SLC35F1: variants seen among roughly 807,000 people sequenced by gnomAD.
SLC35F1 encodes solute carrier family 35 member F1.
In SLC35F1, 14 loss-of-function variants were observed where a neutral mutation model predicts 48.7. The observed-to-expected ratio is 0.29, with a 90% CI of 0.19 to 0.45. The LOEUF (loss-of-function observed/expected upper bound fraction) is 0.45, where lower values mean the gene tolerates loss of function less well. Among genes scored for constraint, SLC35F1 ranks in the 20% least tolerant of loss-of-function variants. SLC35F1 has a pLI of 1.00. For synonymous variants in SLC35F1, 190 were observed against 202.2 expected, an observed-to-expected ratio of 0.94 and a Z score of 0.51; for missense variants, 404 against 500.0, an observed-to-expected ratio of 0.81 and a Z score of 1.83.
chr6:118,100,850 T>C (rs1243126768), intron 1 of SLC35F1, among the ~76,000 whole-genome samples: 2 of 152,332 alleles, frequency 1.3e-5, no homozygotes, highest in East Asian at 3.9e-4. Context: ...TGGTTGGTCT[T>C]TCTGTTGTGG....
intron 2 of SLC35F1, among the ~76,000 whole-genome samples, chr6:118,198,734 T>C (rs111949141): frequency 9.8e-5 from 15 of 152,348 alleles, no homozygotes; most frequent in African/African-American, 3.1e-4. Context: ...TGTGTGTATA[T>C]GTATGTGTAT....
chr6:118,175,464 A>C (rs1774474400), intron 2 of SLC35F1, among the ~76,000 whole-genome samples: 1 of 152,170 alleles, frequency 6.6e-6, no homozygotes, highest in East Asian at 1.9e-4. Flanking sequence ...TTTGTAATCA[A>C]AACTTTTGAA....
intron 1 of SLC35F1, among the ~76,000 whole-genome samples, chr6:118,032,319 C>T (rs190373696): frequency 2.6e-5 from 4 of 152,216 alleles, no homozygotes; most frequent in Non-Finnish European, 4.4e-5. Flanking sequence ...GATATAAGGA[C>T]ACAAAGCAAA....
chr6:118,035,055 C>A (rs1582630531), intron 1 of SLC35F1, among the ~76,000 whole-genome samples: 2 of 152,134 alleles, frequency 1.3e-5, no homozygotes, highest in Admixed American at 6.5e-5. Context: ...AATTTGATTT[C>A]TTTAATAGAT....
At position 117,971,077 on chromosome 6, in the gene SLC35F1, G is replaced by A. The variant is rs75552075; in HGVS notation, c.173+63178G>A. Among the ~76,000 whole-genome samples the A allele has an allele frequency of 7.8e-3, 1,185 of 152,136 alleles. 9 individuals are homozygous for A. Among genetic ancestry groups the A allele is most frequent in the Middle Eastern group, 0.014 (4 of 294 alleles). ...TAAGGCAAGTACCCTCCACCTACGC[G>A]CCTGTAAAATCAAAAGCAAGTTAGT... On this transcript the variant is annotated intron_variant, in intron 1 of 7. Coordinates refer to ENST00000360388, the MANE Select transcript of SLC35F1 (RefSeq NM_001029858.4).
chr6:118,216,909 C>T (rs978084701), intron 2 of SLC35F1, among the ~76,000 whole-genome samples: 4 of 152,158 alleles, frequency 2.6e-5, no homozygotes, highest in African/African-American at 9.7e-5. Context: ...ATACTCACCC[C>T]TTTTCACATA....
intron 1 of SLC35F1, among the ~76,000 whole-genome samples, chr6:118,045,357 G>T (rs963641288): frequency 3.7e-4 from 57 of 152,212 alleles, no homozygotes; most frequent in African/African-American, 1.3e-3. Context: ...AAGGTCTCAG[G>T]TCAAGTTCAC....
chr6:118,221,724 C>A (rs1261646940), intron 2 of SLC35F1, among the ~76,000 whole-genome samples: 2 of 152,144 alleles, frequency 1.3e-5, no homozygotes, highest in African/African-American at 4.8e-5. Context: ...TCAGCTTCAA[C>A]AAATTTCAAC....
intron 1 of SLC35F1, among the ~76,000 whole-genome samples, chr6:118,042,795 A>G (rs1772244932): frequency 6.6e-6 from 1 of 152,180 alleles, no homozygotes; most frequent in African/African-American, 2.4e-5. Flanking sequence ...ATTCTGCCTT[A>G]GAAGCTACCA....
intron 1 of SLC35F1, among the ~76,000 whole-genome samples, chr6:118,105,608 T>C (rs540184156): frequency 6.6e-6 from 1 of 152,366 alleles, no homozygotes; most frequent in South Asian, 2.1e-4. Context: ...AGCATCCTTA[T>C]CTATTGCAGA....
At chr6:118,277,675 C>A in intron 6 of SLC35F1, 129 bp downstream of exon 6, 1 of 778,580 alleles carries the variant, frequency 1.3e-6, no homozygotes, top group East Asian at 2.5e-5. Flanking sequence ...AAAATGAAAT[C>A]CCTTTGTCAT....
chr6:118,043,137 T>A (rs1163894180), intron 1 of SLC35F1, among the ~76,000 whole-genome samples: 1 of 152,216 alleles, frequency 6.6e-6, no homozygotes, highest in Non-Finnish European at 1.5e-5. Context: ...TGCATTTCAC[T>A]TCTCCATATG....
In SLC35F1 at chr6:118,314,081, C is replaced by G. The variant is rs377754787; in HGVS notation, c.1056C>G (p.Leu352=). 2.5e-6 allele frequency: 4 copies of G among 1,614,042 alleles called. No homozygotes were observed. The highest frequency in any genetic ancestry group is 3.4e-6 in the Non-Finnish European group (4 of 1,180,038). ...SFFTILIGLV[L]YSSTSTYIAQ... ...TCACCATCCTCATTGGGCTGGTGCT[C>G]TACTCCTCCACCTCCACCTACATAG... The change falls in exon 8 of 8, where the codon CTC becomes CTG. Residue 352 remains leucine, a synonymous_variant. Transcript: ENST00000360388.
At chr6:117,938,618 G>C (rs1275942653) in intron 1 of SLC35F1, among the ~76,000 whole-genome samples, 1 of 152,224 alleles carries the variant, frequency 6.6e-6, no homozygotes, top group African/African-American at 2.4e-5. Context: ...GCTCCTGACA[G>C]CTTGGCCATC....
chr6:117,960,249 T>C (rs934375892), intron 1 of SLC35F1, among the ~76,000 whole-genome samples: 3 of 151,268 alleles, frequency 2.0e-5, no homozygotes, highest in Non-Finnish European at 3.0e-5. Flanking sequence ...ACACAGTGCC[T>C]TACAAACTGT....
At chr6:118,205,230 G>A (rs184111778) in intron 2 of SLC35F1, among the ~76,000 whole-genome samples, 3 of 152,268 alleles carry the variant, frequency 2.0e-5, no homozygotes, top group Non-Finnish European at 4.4e-5. Flanking sequence ...TTCTAGTGGA[G>A]GAAGATGTCT....
chr6:118,057,327 G>T (rs1253457711), intron 1 of SLC35F1, among the ~76,000 whole-genome samples: 1 of 152,156 alleles, frequency 6.6e-6, no homozygotes, highest in East Asian at 1.9e-4. Flanking sequence ...ACGGGCAAGG[G>T]ATCCTACTTG....
chr6:118,165,215 C>T (rs1247894796), intron 2 of SLC35F1, among the ~76,000 whole-genome samples: 1 of 152,162 alleles, frequency 6.6e-6, no homozygotes, highest in Admixed American at 6.5e-5. Flanking sequence ...ACTGAGAAAC[C>T]TTAAGGCAGA....
chr6:118,105,759 G>C (rs1339501345), intron 1 of SLC35F1, among the ~76,000 whole-genome samples: 2 of 152,158 alleles, frequency 1.3e-5, no homozygotes, highest in Admixed American at 6.5e-5. Flanking sequence ...CTGACCAGTG[G>C]AGTGCTCAAA....
Sources: gnomAD v4.1 joint callset for allele counts (sites outside exome capture counted in the v4.1 genomes callset) on GRCh38, gnomAD v4.1.1 for gene constraint, MANE v1.5 for transcripts, NCBI Gene and HGNC (gene_info 2026-07-23, HGNC 2026-07-21) for gene names.